Variants in DOCK3 observed in about 807,000 individuals in gnomAD.
DOCK3 encodes dedicator of cytokinesis protein 3.
A neutral mutation model predicts 265.6 loss-of-function variants in DOCK3; 60 were observed. The ratio of observed to expected loss-of-function variants is 0.23; its 90% CI spans 0.18 to 0.28. The LOEUF is 0.28. Ranked by LOEUF, DOCK3 falls within the 10% of genes least tolerant of loss-of-function variation. The probability of loss-of-function intolerance (pLI) is 1.00; values close to 1 mark genes in which losing one functional copy is unlikely to be tolerated. For missense variants in DOCK3, 1,981 were observed against 2,594.3 expected (o/e 0.76, Z 5.14); for synonymous variants, 881 against 938.0 (o/e 0.94, Z 1.11).
chr3:50,790,502 G>A (rs1419243968), intron 2 of DOCK3, among the ~76,000 whole-genome samples: 3 of 123,732 alleles, frequency 2.4e-5, no homozygotes, highest in East Asian at 2.4e-4. Context: ...AGTTATTTTA[G>A]TGCTGGCTTG....
chr3:50,740,539 C>G (rs2038949341), intron 1 of DOCK3, among the ~76,000 whole-genome samples: 1 of 152,034 alleles, frequency 6.6e-6, no homozygotes, highest in African/African-American at 2.4e-5. Context: ...TTTGGTATGG[C>G]CAGTCTTTTT....
chr3:50,798,426 C>A (rs2042903871), intron 2 of DOCK3, among the ~76,000 whole-genome samples: 1 of 152,214 alleles, frequency 6.6e-6, no homozygotes, highest in South Asian at 2.1e-4. Flanking sequence ...AGGCCACCTA[C>A]AAATGAAATG....
intron 3 of DOCK3, chr3:50,877,581 G>C (rs2047770612): frequency 1.9e-6 from 1 of 518,688 alleles, no homozygotes; most frequent in African/African-American, 1.9e-5. Flanking sequence ...GATTCAGCTT[G>C]ATGGCATCTC....
chr3:51,234,738 C>T (rs2078282078), intron 19 of DOCK3, among the ~76,000 whole-genome samples: 1 of 152,102 alleles, frequency 6.6e-6, no homozygotes, highest in Non-Finnish European at 1.5e-5. Context: ...TCTCCAAGTA[C>T]CTTTGTGACA....
chr3:50,980,654 C>A (rs772012262), intron 5 of DOCK3, among the ~76,000 whole-genome samples: 1 of 151,864 alleles, frequency 6.6e-6, no homozygotes, highest in African/African-American at 2.4e-5. Flanking sequence ...CTGGTTTATT[C>A]GGGTTTTCTT....
rs111513994 is a variant in DOCK3 at position 51,267,385 on chromosome 3, CTT to C, written c.2356-3415_2356-3414del. On this transcript the variant is annotated intron_variant, in intron 23 of 52. Coordinates refer to ENST00000266037, the MANE Select transcript of DOCK3 (RefSeq NM_004947.5). Reference sequence around the variant, plus strand: ...ATGCGCACGTATGGTTTTTTTCTTTCTTTTTTTTTTTTTTTTGAGATGGAGTT... The same window carrying C: ...ATGCGCACGTATGGTTTTTTTCTTTCTTTTTTTTTTTTTTGAGATGGAGTT... 1.8e-4 allele frequency among the ~76,000 whole-genome samples: 25 copies of C among 136,616 alleles called. 1 individual carries two copies. Among genetic ancestry groups the C allele is most frequent in the South Asian group, 7.1e-4 (3 of 4,234 alleles). 89.6% of individuals were successfully genotyped at this position (136,616 alleles called of 152,430 possible).
intron 1 of DOCK3, among the ~76,000 whole-genome samples, chr3:50,740,738 T>G (rs1232192691): frequency 6.6e-6 from 1 of 152,200 alleles, no homozygotes; most frequent in Non-Finnish European, 1.5e-5. Flanking sequence ...AATCATTAAT[T>G]TATTTGTCAT....
intron 4 of DOCK3, among the ~76,000 whole-genome samples, chr3:50,905,492 G>A (rs1049381193): frequency 6.6e-6 from 1 of 151,992 alleles, no homozygotes; most frequent in Admixed American, 6.6e-5. Flanking sequence ...CTTGTAAGTT[G>A]TATTCCTAGG....
At chr3:51,321,732 A>G (rs2083742385) in intron 32 of DOCK3, among the ~76,000 whole-genome samples, 1 of 152,198 alleles carries the variant, frequency 6.6e-6, no homozygotes, top group Admixed American at 6.5e-5. Flanking sequence ...AATATCAGAG[A>G]TTGAAGATCA....
chr3:50,802,841 A>G (rs2043141691), intron 2 of DOCK3, among the ~76,000 whole-genome samples: 1 of 151,728 alleles, frequency 6.6e-6, no homozygotes, highest in South Asian at 2.1e-4. Context: ...GCTTAGGGGA[A>G]TTTTCTTCTA....
intron 27 of DOCK3, among the ~76,000 whole-genome samples, chr3:51,307,280 T>A (rs2082736269): frequency 6.6e-6 from 1 of 152,124 alleles, no homozygotes; most frequent in Admixed American, 6.5e-5. Flanking sequence ...CACATGCAGC[T>A]AATTTTTTAA....
At chr3:51,160,841 C>T (rs1277381310) in intron 12 of DOCK3, 139 bp downstream of exon 12, 1 of 1,019,968 alleles carries the variant, frequency 9.8e-7, no homozygotes, top group African/African-American at 1.7e-5. Flanking sequence ...CTTTGGGAGG[C>T]CAAGGTGGGC....
intron 27 of DOCK3, among the ~76,000 whole-genome samples, chr3:51,284,830 C>T (rs756132531): frequency 1.4e-4 from 22 of 152,304 alleles, no homozygotes; most frequent in Non-Finnish European, 3.1e-4. Flanking sequence ...ACCCAAGAGA[C>T]TATCTCCTTA....
chr3:51,169,298 G>A (rs2086562404), intron 12 of DOCK3, among the ~76,000 whole-genome samples: 1 of 152,164 alleles, frequency 6.6e-6, no homozygotes, highest in Non-Finnish European at 1.5e-5. Flanking sequence ...TATGTTCATT[G>A]TAGCACTATT....
intron 22 of DOCK3, among the ~76,000 whole-genome samples, chr3:51,249,455 G>T (rs1178544385): frequency 1.7e-5 from 2 of 117,324 alleles, no homozygotes; most frequent in African/African-American, 3.3e-5. Context: ...CTACTGGGAA[G>T]TGAGGAGCCC....
In DOCK3 at chr3:51,350,329, A is replaced by G. The variant is rs1378483524; in HGVS notation, c.4044A>G (p.Gln1348=). 2 of 1,611,370 alleles carry G rather than the reference A, an allele frequency of 1.2e-6. No homozygotes were observed. The highest frequency in any genetic ancestry group is 1.1e-5 in the South Asian group (1 of 90,404). The change falls in exon 40 of 53, where the codon CAA becomes CAG. Residue 1348 remains glutamine (Q), a synonymous_variant. Transcript: ENST00000266037. ...ASYYDNIMEQ[Q]RLEPEFFRVG... is the part of the protein sequence containing the mutation. Reference sequence around the variant, plus strand: ...ACTATGACAACATTATGGAGCAGCAACGCCTGGAGCCTGAGTTCTTTCGGG... The same window carrying G: ...ACTATGACAACATTATGGAGCAGCAGCGCCTGGAGCCTGAGTTCTTTCGGG...
At chr3:50,830,683 T>C (rs558768957) in intron 2 of DOCK3, among the ~76,000 whole-genome samples, 26 of 152,336 alleles carry the variant, frequency 1.7e-4, no homozygotes, top group South Asian at 6.2e-4. Flanking sequence ...GTTCTGCAGC[T>C]TCTCTGTCAG....
chr3:51,230,938 AT>A (rs34389350), intron 19 of DOCK3, among the ~76,000 whole-genome samples: 123,238 of 150,010 alleles, frequency 0.82, 51,111 homozygotes, highest in Middle Eastern at 0.9. Context: ...TGGTAGAATG[AT>A]TTTTTTTTTT....
intron 1 of DOCK3, among the ~76,000 whole-genome samples, chr3:50,744,662 T>C (rs2039310053): frequency 6.6e-6 from 1 of 152,186 alleles, no homozygotes; most frequent in Non-Finnish European, 1.5e-5. Flanking sequence ...CTTGAACTCC[T>C]GGGCTCAAGC....
Sources: allele counts gnomAD v4.1 joint callset (sites outside exome capture counted in the v4.1 genomes callset), GRCh38; gene constraint gnomAD v4.1.1; transcripts MANE v1.5; gene names NCBI Gene and HGNC (gene_info 2026-07-23, HGNC 2026-07-21).